Variants in DOCK9 observed in about 807,000 individuals in gnomAD.
The protein encoded by DOCK9 is dedicator of cytokinesis 9.
DOCK9 carries 89 observed loss-of-function variants against 263.3 expected under a neutral mutation model. The ratio of observed to expected loss-of-function variants is 0.34; its 90% CI spans 0.28 to 0.40. DOCK9 has a LOEUF of 0.40. Among genes scored for constraint, DOCK9 ranks in the 10% least tolerant of loss-of-function variants. The pLI is 1.00. For missense variants in DOCK9, 2,140 were observed against 2,603.4 expected (o/e 0.82, Z 3.87); for synonymous variants, 976 against 973.1 (o/e 1.00, Z -0.06).
intron 3 of DOCK9, among the ~76,000 whole-genome samples, chr13:98,928,174 A>C (rs2053347119): frequency 6.6e-6 from 1 of 152,216 alleles, no homozygotes; most frequent in Non-Finnish European, 1.5e-5. Context: ...GGATGCAGAA[A>C]GTCTAGGAGA....
At chr13:98,814,417 T>C (rs1280974547) in intron 45 of DOCK9, among the ~76,000 whole-genome samples, 1 of 151,738 alleles carries the variant, frequency 6.6e-6, no homozygotes. Flanking sequence ...TTTTTTTTTT[T>C]TTTTTGAGAC....
At chr13:98,901,430 T>C (rs547284419) in intron 13 of DOCK9, among the ~76,000 whole-genome samples, 1 of 152,278 alleles carries the variant, frequency 6.6e-6, no homozygotes, top group East Asian at 1.9e-4. Flanking sequence ...TGGACCAAAA[T>C]AGAATTTCAG....
chr13:98,892,385 G>A (rs570723780), intron 15 of DOCK9, among the ~76,000 whole-genome samples: 1 of 152,080 alleles, frequency 6.6e-6, no homozygotes, highest in Admixed American at 6.5e-5. Context: ...GTATTGGCTC[G>A]TTAAAATGAT....
rs567749122 is a variant in DOCK9 at position 98,988,486 on chromosome 13, G to A, written c.130-32935C>T. Among the ~76,000 whole-genome samples, 9 of 152,310 alleles carry A rather than the reference G, an allele frequency of 5.9e-5. No individual in the cohort carries two copies. The South Asian group carries it at 1.9e-3, about 32-fold the overall frequency. ...CAAAGGAGGACAGCGAGACACAGAAGTTAAAGAACCGGTTCAAGGTCAGAG... is the reference window on the plus strand; with the variant it reads ...CAAAGGAGGACAGCGAGACACAGAAATTAAAGAACCGGTTCAAGGTCAGAG... On this transcript the variant is annotated intron_variant, in intron 1 of 32. Coordinates refer to the DOCK9 transcript ENST00000427887.
Position 98,977,941 on chromosome 13 carries a change from C to A in DOCK9, c.-32G>T. On this transcript the variant is annotated 5_prime_UTR_variant, in exon 1 of 53. Transcript: ENST00000682017. Reference sequence around the variant, plus strand: ...CTGAAAACGCAAGTCAGAAAGTCTGCAACTGGAACAGCTGCGAGTCCCTGG... The same window carrying A: ...CTGAAAACGCAAGTCAGAAAGTCTGAAACTGGAACAGCTGCGAGTCCCTGG... The A allele has an allele frequency of 6.4e-7, 1 of 1,554,730 alleles. No homozygotes were observed. Among genetic ancestry groups the A allele is most frequent in the East Asian group, 2.4e-5 (1 of 41,912 alleles).
intron 2 of DOCK9, among the ~76,000 whole-genome samples, chr13:98,935,299 T>C (rs976533265): frequency 2.0e-5 from 3 of 152,150 alleles, no homozygotes; most frequent in Non-Finnish European, 4.4e-5. Context: ...TAAATAAATA[T>C]ATCCATTAAG....
At chr13:98,863,867 A>C (rs1296266168) in intron 30 of DOCK9, among the ~76,000 whole-genome samples, 1 of 152,242 alleles carries the variant, frequency 6.6e-6, no homozygotes, top group Non-Finnish European at 1.5e-5. Context: ...AACACAGCAT[A>C]TGTTATATTA....
In DOCK9 at chr13:98,898,144, A is replaced by G. The variant is rs764759890; in HGVS notation, c.1586+35T>C. The stretch of plus-strand genomic sequence containing the variant: ...TATTGACCCATCCATGCACCTATCT[A>G]TATCGATTTAAAAGGTATAAAAGGT... On this transcript the variant is annotated intron_variant, in intron 14 of 52. Coordinates refer to ENST00000682017, the MANE Select transcript of DOCK9 (RefSeq NM_001366683.2). 6 of 1,447,474 alleles carry G rather than the reference A, an allele frequency of 4.1e-6. No individual in the cohort carries two copies. In the African/African-American group the frequency reaches 4.2e-5, roughly 10 times the overall value. 89.7% of individuals were successfully genotyped at this position (1,447,474 alleles called of 1,614,324 possible). A position where few individuals can be genotyped will look rare whatever the true frequency, so the allele number is the denominator to read the frequency against.
chr13:98,947,445 G>C (rs1237279207), intron 2 of DOCK9, among the ~76,000 whole-genome samples: 2 of 149,224 alleles, frequency 1.3e-5, no homozygotes, highest in Admixed American at 1.3e-4. Context: ...CCTGTAAAAG[G>C]CATTACTTGA....
chr13:98,814,106 C>A (rs1370315522), intron 45 of DOCK9, among the ~76,000 whole-genome samples: 1 of 152,170 alleles, frequency 6.6e-6, no homozygotes, highest in Non-Finnish European at 1.5e-5. Context: ...AGTAAATAAA[C>A]ATTTGTAAAG....
intron 3 of DOCK9, among the ~76,000 whole-genome samples, chr13:98,926,291 G>T (rs1360798077): frequency 2.6e-5 from 4 of 152,204 alleles, no homozygotes; most frequent in Non-Finnish European, 4.4e-5. Flanking sequence ...AATAGGATGC[G>T]TGAACTTAAA....
intron 1 of DOCK9, among the ~76,000 whole-genome samples, chr13:99,046,826 G>A (rs2040455579): frequency 6.6e-6 from 1 of 152,180 alleles, no homozygotes; most frequent in African/African-American, 2.4e-5. Context: ...GACATCACCA[G>A]AAATGTCTCA....
intron 45 of DOCK9, among the ~76,000 whole-genome samples, chr13:98,819,188 G>C (rs907311022): frequency 3.3e-5 from 5 of 152,262 alleles, no homozygotes; most frequent in South Asian, 2.1e-4. Context: ...TCTGGGTTTG[G>C]GGGGTAAGGA....
chr13:99,087,545 GCCACCC>G (rs1326999063), upstream of DOCK9, among the ~76,000 whole-genome samples: 1 of 152,052 alleles, frequency 6.6e-6, no homozygotes, highest in African/African-American at 2.4e-5. Context: ...GCTAGCGACA[GCCACCC>G]TGTGAGGGAC....
intron 49 of DOCK9, 88 bp from the exon 50 acceptor site, chr13:98,800,566 C>G: frequency 7.0e-7 from 1 of 1,423,312 alleles, no homozygotes; most frequent in South Asian, 1.5e-5. Flanking sequence ...GATTATTATA[C>G]ATGTCATTAT....
At chr13:98,897,835 T>C (rs1488915436) in intron 14 of DOCK9, among the ~76,000 whole-genome samples, 1 of 152,166 alleles carries the variant, frequency 6.6e-6, no homozygotes, top group African/African-American at 2.4e-5. Flanking sequence ...GGAAACAATA[T>C]ACACAAGTCA....
intron 32 of DOCK9, among the ~76,000 whole-genome samples, chr13:98,862,549 T>C (rs2093904503): frequency 6.6e-6 from 1 of 151,868 alleles, no homozygotes; most frequent in African/African-American, 2.4e-5. Flanking sequence ...ATTGGCCGGA[T>C]GTGGTGGTGG....
Position 98,944,379 on chromosome 13 carries a change from T to TGA in DOCK9, c.243+11054_243+11055dup, listed in dbSNP as rs1318889093. 4.5e-3 allele frequency among the ~76,000 whole-genome samples: 170 copies of TGA among 37,426 alleles called. 2 individuals are homozygous for TGA. Among genetic ancestry groups the TGA allele is most frequent in the African/African-American group, 0.016 (165 of 10,248 alleles). The allele number at this position is 37,426 out of a possible 152,430, so 24.6% of individuals were successfully genotyped here. ...AAATCACGTCACAGTGTCCACTATA[T>TGA]GAGAAAAAAAAAAAAAAAAAAAGCT... On this transcript the variant is annotated intron_variant, in intron 2 of 52. Transcript: ENST00000682017.
intron 2 of DOCK9, among the ~76,000 whole-genome samples, chr13:98,951,787 C>T (rs774106585): frequency 5.3e-5 from 8 of 152,166 alleles, no homozygotes; most frequent in Non-Finnish European, 1.2e-4. Flanking sequence ...GATCCCCAAG[C>T]GACAGGATCT....
Sources: gnomAD v4.1 joint callset for allele counts (sites outside exome capture counted in the v4.1 genomes callset) on GRCh38, gnomAD v4.1.1 for gene constraint, MANE v1.5 for transcripts, NCBI Gene and HGNC (gene_info 2026-07-23, HGNC 2026-07-21) for gene names.